Variants in GRM8 observed in about 807,000 individuals in gnomAD.
The protein encoded by GRM8 is metabotropic glutamate receptor 8.
Under a neutral mutation model 87.2 loss-of-function variants are expected in GRM8, and 47 were observed. The ratio of observed to expected loss-of-function variants is 0.54; its 90% CI spans 0.43 to 0.69. The LOEUF is 0.69. GRM8 is among the 30% of genes least tolerant of loss of function. The probability of loss-of-function intolerance (pLI) is 0.00; values close to 1 mark genes in which losing one functional copy is unlikely to be tolerated. For missense variants in GRM8, 1,019 were observed against 1,139.2 expected (o/e 0.89, Z 1.52); for synonymous variants, 396 against 404.5 (o/e 0.98, Z 0.25).
intron 3 of GRM8, among the ~76,000 whole-genome samples, chr7:127,008,202 T>C (rs1040417441): frequency 6.6e-6 from 1 of 152,064 alleles, no homozygotes; most frequent in African/African-American, 2.4e-5. Flanking sequence ...GGGTTCTTTC[T>C]AGAATTTCTC....
intron 8 of GRM8, among the ~76,000 whole-genome samples, chr7:126,553,529 A>G (rs1429193163): frequency 6.6e-6 from 1 of 152,204 alleles, no homozygotes; most frequent in Non-Finnish European, 1.5e-5. Context: ...AATTCGTCAC[A>G]TGAATGAATA....
chr7:126,935,764 A>C, intron 3 of GRM8, among the ~76,000 whole-genome samples: 1 of 152,212 alleles, frequency 6.6e-6, no homozygotes, highest in East Asian at 1.9e-4. Context: ...CACATCAGAA[A>C]ACAATACATA....
chr7:127,171,219 G>A (rs926622628), intron 2 of GRM8, among the ~76,000 whole-genome samples: 1 of 152,170 alleles, frequency 6.6e-6, no homozygotes, highest in African/African-American at 2.4e-5. Context: ...TTGAACAGAT[G>A]AGAAGTCGCT....
rs181232088 is a variant in GRM8 at position 126,519,604 on chromosome 7, C to T, written c.2430+13348G>A. ...GTGCTGTTAGTATTCAGCAGAATGA[C>T]GGTGTTAAAACAAAAATGGACTGAT... is the stretch of plus-strand genomic sequence containing the variant. On this transcript the variant is annotated intron_variant, in intron 9 of 10. Transcript: ENST00000339582. Among the ~76,000 whole-genome samples, 62 of 152,088 alleles carry T rather than the reference C, an allele frequency of 4.1e-4. 1 individual carries two copies. Among genetic ancestry groups the T allele is most frequent in the South Asian group, 2.5e-3 (12 of 4,820 alleles).
chr7:126,665,742 A>G (rs570678999), intron 7 of GRM8, among the ~76,000 whole-genome samples: 2 of 152,058 alleles, frequency 1.3e-5, no homozygotes, highest in Non-Finnish European at 2.9e-5. Context: ...TGAATCAAAA[A>G]TAAAAGTTGA....
At chr7:126,798,990 T>C (rs1171340235) in intron 6 of GRM8, among the ~76,000 whole-genome samples, 1 of 152,100 alleles carries the variant, frequency 6.6e-6, no homozygotes, top group African/African-American at 2.4e-5. Context: ...AGAGCCTGGT[T>C]TGACTGCCTC....
At chr7:126,712,478 ACC>A (rs1811204549) in intron 7 of GRM8, among the ~76,000 whole-genome samples, 1 of 152,164 alleles carries the variant, frequency 6.6e-6, no homozygotes. Context: ...GAAAAACAGC[ACC>A]CACCGACTTG....
chr7:126,973,017 C>A (rs1365095682), intron 3 of GRM8, among the ~76,000 whole-genome samples: 1 of 152,206 alleles, frequency 6.6e-6, no homozygotes, highest in Admixed American at 6.5e-5. Flanking sequence ...AGACAGCTAT[C>A]CAATAAACTT....
intron 3 of GRM8, among the ~76,000 whole-genome samples, chr7:127,015,066 A>G (rs531962837): frequency 2.5e-3 from 256 of 104,488 alleles, no homozygotes; most frequent in African/African-American, 7.1e-3. Context: ...AAGAAGAAGA[A>G]GAAAGAAAGA....
rs146835494 is a variant in GRM8 at position 126,841,698 on chromosome 7, G to A, written c.1156+60844C>T. On this transcript the variant is annotated intron_variant, in intron 6 of 10. Transcript: ENST00000339582. The stretch of plus-strand genomic sequence containing the variant: ...ACTGGAGTGCAGTGGTGCAATCTCC[G>A]CTCACTGCAAGCTCCGCCTCCCGGA... Among the ~76,000 whole-genome samples the A allele has an allele frequency of 8.5e-3, 1,280 of 150,468 alleles. 10 individuals carry two copies. The highest frequency in any genetic ancestry group is 0.018 in the Admixed American group (264 of 15,042).
intron 9 of GRM8, chr7:126,511,201 T>TC (rs1432835418): frequency 2.0e-5 from 3 of 152,082 alleles, no homozygotes; most frequent in Non-Finnish European, 2.9e-5. Flanking sequence ...AAGACGAAGC[T>TC]CAGTGAAAAT....
intron 9 of GRM8, among the ~76,000 whole-genome samples, chr7:126,497,328 C>T (rs986969313): frequency 6.6e-6 from 1 of 151,924 alleles, no homozygotes; most frequent in Non-Finnish European, 1.5e-5. Context: ...TATGAGGAAA[C>T]TTGGGAGCAA....
chr7:126,591,790 T>C (rs1796693528), intron 8 of GRM8, among the ~76,000 whole-genome samples: 1 of 150,060 alleles, frequency 6.7e-6, no homozygotes, highest in Non-Finnish European at 1.5e-5. Context: ...ATCACAGAAA[T>C]AAATAAAATA....
At chr7:127,009,046 G>A (rs947515059) in intron 3 of GRM8, among the ~76,000 whole-genome samples, 1 of 150,586 alleles carries the variant, frequency 6.6e-6, no homozygotes, top group African/African-American at 2.4e-5. Flanking sequence ...AACTTTTCCT[G>A]TAGTGACAGG....
At chr7:127,251,933 G>A (rs1185717414) in intron 1 of GRM8, among the ~76,000 whole-genome samples, 1 of 152,176 alleles carries the variant, frequency 6.6e-6, no homozygotes. Flanking sequence ...GCAAACTCGA[G>A]GCAGAGCGTG....
At chr7:126,529,181 T>C (rs1352612744) in intron 9 of GRM8, among the ~76,000 whole-genome samples, 1 of 152,140 alleles carries the variant, frequency 6.6e-6, no homozygotes, top group Non-Finnish European at 1.5e-5. Flanking sequence ...AAACCATTTT[T>C]TTCAGAAAAA....
At chr7:127,045,627 A>G (rs1030641914) in intron 3 of GRM8, among the ~76,000 whole-genome samples, 1 of 151,920 alleles carries the variant, frequency 6.6e-6, no homozygotes, top group Non-Finnish European at 1.5e-5. Flanking sequence ...ATTTTCATCA[A>G]CCACAACAAA....
chr7:126,590,004 A>T (rs1442129811), intron 8 of GRM8, among the ~76,000 whole-genome samples: 1 of 152,104 alleles, frequency 6.6e-6, no homozygotes, highest in African/African-American at 2.4e-5. Flanking sequence ...CTAGCTCACC[A>T]GTAATGGATC....
At chr7:126,950,920 CT>C (rs35875691) in intron 3 of GRM8, among the ~76,000 whole-genome samples, 48,907 of 147,022 alleles carry the variant, frequency 0.33, 7,845 homozygotes, top group Non-Finnish European at 0.36. Context: ...TTGTCCAAGT[CT>C]TTTTTTTTTT....
Sources: allele counts gnomAD v4.1 joint callset (sites outside exome capture counted in the v4.1 genomes callset), GRCh38; gene constraint gnomAD v4.1.1; transcripts MANE v1.5; gene names NCBI Gene and HGNC (gene_info 2026-07-23, HGNC 2026-07-21).